The following PIK3CB variants were observed in gnomAD, a reference collection of about 807,000 sequenced individuals.
PIK3CB encodes phosphatidylinositol 4,5-bisphosphate 3-kinase catalytic subunit beta isoform.
In PIK3CB, 39 loss-of-function variants were observed where a neutral mutation model predicts 136.8. The observed-to-expected ratio is 0.29, with a 90% CI of 0.22 to 0.37. The LOEUF is 0.37. Among genes scored for constraint, PIK3CB ranks in the 10% least tolerant of loss-of-function variants. The pLI is 1.00. For missense variants in PIK3CB, 868 were observed against 1,275.4 expected, an observed-to-expected ratio of 0.68 and a Z score of 4.87; for synonymous variants, 428 against 436.6, an observed-to-expected ratio of 0.98 and a Z score of 0.25.
At chr3:138,696,181 C>CA (rs749373069) in intron 13 of PIK3CB, among the ~76,000 whole-genome samples, 1 of 139,310 alleles carries the variant, frequency 7.2e-6, no homozygotes, top group Non-Finnish European at 1.6e-5. Flanking sequence ...AAATTTTAAC[C>CA]TTTTTTTTTT....
At chr3:138,793,648 T>C (rs1470443985) in intron 2 of PIK3CB, among the ~76,000 whole-genome samples, 1 of 108,364 alleles carries the variant, frequency 9.2e-6, no homozygotes, top group East Asian at 6.3e-3. Flanking sequence ...GGAAATGAGC[T>C]GATTGTGTTT....
At chr3:138,825,201 TACGTG>T in intron 1 of PIK3CB, 1 of 315,986 alleles carries the variant, frequency 3.2e-6, no homozygotes, top group Non-Finnish European at 6.0e-6. Context: ...CAGCAAGTAT[TACGTG>T]ACCATCACTG....
intron 18 of PIK3CB, among the ~76,000 whole-genome samples, chr3:138,683,003 T>C (rs1255753463): frequency 6.6e-6 from 1 of 152,138 alleles, no homozygotes; most frequent in Non-Finnish European, 1.5e-5. Context: ...AATACAAAAC[T>C]ATGGCAGCAA....
At chr3:138,670,410 C>T (rs2108442045) in intron 19 of PIK3CB, among the ~76,000 whole-genome samples, 1 of 152,306 alleles carries the variant, frequency 6.6e-6, no homozygotes, top group African/African-American at 2.4e-5. Flanking sequence ...AAGTTTCCCT[C>T]CTTTTTTGTG....
chr3:138,699,384 C>T (rs999772575), intron 12 of PIK3CB, among the ~76,000 whole-genome samples: 6 of 152,046 alleles, frequency 3.9e-5, no homozygotes, highest in African/African-American at 1.2e-4. Context: ...AGGTGGCTCA[C>T]GCCTGTAATC....
At position 138,655,224 on chromosome 3, in the gene PIK3CB, T is replaced by C. The variant is rs1234008821; in HGVS notation, c.*165A>G. The C allele has an allele frequency of 1.1e-5, 7 of 622,710 alleles. No homozygotes were observed. In the East Asian group the frequency reaches 1.7e-4, roughly 15 times the overall value. The allele number at this position is 622,710 out of a possible 1,614,324, so 38.6% of individuals were successfully genotyped here. On this transcript the variant is annotated 3_prime_UTR_variant, in exon 24 of 24. Coordinates refer to ENST00000674063, the MANE Select transcript of PIK3CB (RefSeq NM_006219.3). ...AAAAAGCAGAGGGAATCATCGGGGATTGTTCAGATTAGGTTCTGTGGGATG... is the reference window on the plus strand; with the variant it reads ...AAAAAGCAGAGGGAATCATCGGGGACTGTTCAGATTAGGTTCTGTGGGATG...
chr3:138,682,398 T>C (rs149237339), intron 18 of PIK3CB, among the ~76,000 whole-genome samples: 1 of 152,310 alleles, frequency 6.6e-6, no homozygotes, highest in Non-Finnish European at 1.5e-5. Context: ...TGCTTGCTAT[T>C]CACAGGAGAT....
intron 10 of PIK3CB, 36 bp from the exon 11 acceptor site, chr3:138,707,325 G>T (rs763642436): frequency 3.2e-6 from 5 of 1,576,236 alleles, no homozygotes; most frequent in Non-Finnish European, 4.3e-6. Context: ...CTTAAAAAAT[G>T]TCTTTAAAAC....
chr3:138,808,883 T>G (rs2046263146), intron 1 of PIK3CB, among the ~76,000 whole-genome samples: 1 of 152,058 alleles, frequency 6.6e-6, no homozygotes, highest in Non-Finnish European at 1.5e-5. Flanking sequence ...TTATTTCTGC[T>G]GTTTAAAGGG....
At chr3:138,785,179 C>T (rs945026495) in intron 2 of PIK3CB, among the ~76,000 whole-genome samples, 16 of 150,378 alleles carry the variant, frequency 1.1e-4, no homozygotes, top group Middle Eastern at 7.5e-3. Flanking sequence ...CCGCCCCGTC[C>T]GGGAGGGAGG....
intron 19 of PIK3CB, among the ~76,000 whole-genome samples, chr3:138,673,352 C>T (rs538517727): frequency 9.9e-5 from 15 of 152,212 alleles, no homozygotes; most frequent in African/African-American, 2.9e-4. Flanking sequence ...GAAATACACA[C>T]GCACAGATTG....
At chr3:138,812,217 C>T (rs1242217584) in intron 1 of PIK3CB, among the ~76,000 whole-genome samples, 4 of 149,900 alleles carry the variant, frequency 2.7e-5, no homozygotes, top group African/African-American at 9.8e-5. Context: ...GTGACTGGGG[C>T]TATAAAAAGG....
chr3:138,751,183 G>A (rs536906370), intron 4 of PIK3CB, among the ~76,000 whole-genome samples: 2 of 152,220 alleles, frequency 1.3e-5, no homozygotes, highest in Non-Finnish European at 2.9e-5. Flanking sequence ...TTTAGGCCGG[G>A]CGCAGTAGCT....
rs550608763 is a variant in PIK3CB, at chr3:138,676,743, G to A, written c.2504+5224C>T. 3.9e-5 allele frequency among the ~76,000 whole-genome samples: 6 copies of A among 152,164 alleles called. No homozygotes were observed. The East Asian group carries it at 1.2e-3, about 29-fold the overall frequency. ...ATTACGCTTAGAGAAAGAAGCCAGT[G>A]ACAAAGGCCCCATATTGTGTTTCCA... On this transcript the variant is annotated intron_variant, in intron 19 of 23. Transcript: ENST00000674063.
intron 8 of PIK3CB, among the ~76,000 whole-genome samples, chr3:138,718,582 T>G (rs1210850501): frequency 1.3e-5 from 2 of 152,210 alleles, no homozygotes; most frequent in African/African-American, 4.8e-5. Context: ...TGTCATAAAA[T>G]TTTTGCCCAT....
chr3:138,829,185 G>C (rs964915483), intron 1 of PIK3CB, among the ~76,000 whole-genome samples: 5 of 151,998 alleles, frequency 3.3e-5, no homozygotes, highest in Non-Finnish European at 5.9e-5. Context: ...AATAAAGGCT[G>C]AGATGGGTGG....
chr3:138,804,893 T>C (rs1330760212), intron 1 of PIK3CB, among the ~76,000 whole-genome samples: 7 of 151,860 alleles, frequency 4.6e-5, no homozygotes, highest in African/African-American at 7.3e-5. Flanking sequence ...GGCGTGGTGG[T>C]GGGTGCCTGT....
intron 12 of PIK3CB, among the ~76,000 whole-genome samples, chr3:138,701,822 A>G (rs915880539): frequency 2.7e-5 from 4 of 150,756 alleles, no homozygotes; most frequent in Admixed American, 2.6e-4. Context: ...AATCTAATAG[A>G]TACTAGTAAT....
At chr3:138,719,809 T>C (rs2044689434) in intron 8 of PIK3CB, among the ~76,000 whole-genome samples, 1 of 152,088 alleles carries the variant, frequency 6.6e-6, no homozygotes, top group African/African-American at 2.4e-5. Context: ...TACCAAAAAT[T>C]CTGTATGATA....
Sources: gnomAD v4.1 joint callset for allele counts (sites outside exome capture counted in the v4.1 genomes callset) on GRCh38, gnomAD v4.1.1 for gene constraint, MANE v1.5 for transcripts, NCBI Gene and HGNC (gene_info 2026-07-23, HGNC 2026-07-21) for gene names.